TNFSF4: variants seen among roughly 807,000 people sequenced by gnomAD.
The protein encoded by TNFSF4 is tumor necrosis factor ligand superfamily member 4.
In TNFSF4, 4 loss-of-function variants were observed where a neutral mutation model predicts 7.3. The ratio of observed to expected loss-of-function variants is 0.55; its 90% confidence interval spans 0.27 to 1.25. The LOEUF is 1.25. Among genes scored for constraint, TNFSF4 ranks in the 50% most tolerant of loss-of-function variants. The pLI, the probability that TNFSF4 is intolerant of heterozygous loss-of-function variation, is 0.12. For synonymous variants in TNFSF4, 76 were observed against 83.7 expected (o/e 0.91, Z 0.50); for missense variants, 181 against 208.8 (o/e 0.87, Z 0.82).
At chr1:173,234,791 T>C in the TNFSF4 span, among the ~76,000 whole-genome samples, 2 of 152,030 alleles carry the variant, frequency 1.3e-5, no homozygotes, top group Non-Finnish European at 2.9e-5. Context: ...CCGGGGCCTG[T>C]CGTGGGGTGG....
chr1:173,317,946 C>T, the TNFSF4 span, among the ~76,000 whole-genome samples: 1 of 152,090 alleles, frequency 6.6e-6, no homozygotes, highest in Non-Finnish European at 1.5e-5. Context: ...ACAATAATTA[C>T]AAATACTGGT....
the TNFSF4 span, among the ~76,000 whole-genome samples, chr1:173,303,277 T>G: frequency 4.6e-5 from 7 of 151,842 alleles, no homozygotes; most frequent in Admixed American, 4.6e-4. Flanking sequence ...AGTCTGCTTT[T>G]AGCTTACCCA....
At chr1:173,211,726 AG>A (rs1226344378), upstream of TNFSF4, among the ~76,000 whole-genome samples, 4 of 152,238 alleles carry the variant, frequency 2.6e-5, no homozygotes, top group Non-Finnish European at 4.4e-5. Context: ...GTGTTCTAGA[AG>A]TACTAAACAA....
chr1:173,300,742 A>T, the TNFSF4 span, among the ~76,000 whole-genome samples: 3 of 151,878 alleles, frequency 2.0e-5, no homozygotes, highest in Non-Finnish European at 4.4e-5. Context: ...AACTATTATA[A>T]CTGCTATGAT....
chr1:173,330,079 C>T, the TNFSF4 span, among the ~76,000 whole-genome samples: 1 of 151,966 alleles, frequency 6.6e-6, no homozygotes, highest in East Asian at 1.9e-4. Context: ...AAAATAAAAC[C>T]ACAAATTAAA....
chr1:173,446,502 GATTGA>G, the TNFSF4 span, among the ~76,000 whole-genome samples: 7 of 152,324 alleles, frequency 4.6e-5, no homozygotes, highest in African/African-American at 1.4e-4. Context: ...GTGTCAACTT[GATTGA>G]ATTGAAGGAT....
the TNFSF4 span, among the ~76,000 whole-genome samples, chr1:173,285,901 C>T: frequency 1.9e-4 from 29 of 152,114 alleles, no homozygotes; most frequent in Non-Finnish European, 3.1e-4. Flanking sequence ...TGAGGTATGC[C>T]TATAATTTCA....
the TNFSF4 span, among the ~76,000 whole-genome samples, chr1:173,256,282 C>G: frequency 6.6e-6 from 1 of 152,140 alleles, no homozygotes; most frequent in African/African-American, 2.4e-5. Context: ...GAAATTTATT[C>G]TCACAGTTCT....
rs1176804981 is a variant in TNFSF4 at position 173,184,031 on chromosome 1, A to C, written c.*2485T>G. 6.6e-6 allele frequency: 1 copy of C among 152,202 alleles called. No homozygotes were observed. The highest frequency in any genetic ancestry group is 1.5e-5 in the Non-Finnish European group (1 of 68,042). 9.4% of individuals were successfully genotyped at this position (152,202 alleles called of 1,614,324 possible). A position where few individuals can be genotyped will look rare whatever the true frequency, so the allele number is the denominator to read the frequency against. ...GCTTGTCCAGAAAAAAATACATTCA[A>C]CATAGTAAAGGAGAAGGTTACACTC... On this transcript the variant is annotated 3_prime_UTR_variant, in exon 3 of 3. Coordinates refer to ENST00000281834, the MANE Select transcript of TNFSF4 (RefSeq NM_003326.5).
At chr1:173,350,621 G>A in the TNFSF4 span, among the ~76,000 whole-genome samples, 1 of 152,134 alleles carries the variant, frequency 6.6e-6, no homozygotes. Flanking sequence ...GTTTGCTGTG[G>A]GCCTAGGAGA....
the TNFSF4 span, among the ~76,000 whole-genome samples, chr1:173,260,569 C>G: frequency 6.6e-6 from 1 of 152,110 alleles, no homozygotes; most frequent in African/African-American, 2.4e-5. Context: ...GAATCAAGAC[C>G]TATTAGTGTG....
chr1:173,447,543 C>T, the TNFSF4 span, among the ~76,000 whole-genome samples: 2 of 151,996 alleles, frequency 1.3e-5, no homozygotes. Context: ...TGTGAACCCA[C>T]AACTGCTCTA....
chr1:173,228,142 C>T, the TNFSF4 span, among the ~76,000 whole-genome samples: 7 of 152,190 alleles, frequency 4.6e-5, no homozygotes, highest in African/African-American at 1.2e-4. Context: ...CAAGTGGGTC[C>T]CTGACCCATG....
At chr1:173,344,261 T>C in the TNFSF4 span, among the ~76,000 whole-genome samples, 1 of 152,176 alleles carries the variant, frequency 6.6e-6, no homozygotes. Context: ...CAGCAGTAAA[T>C]AGCACCTGCA....
the TNFSF4 span, among the ~76,000 whole-genome samples, chr1:173,444,465 T>C: frequency 1.3e-5 from 2 of 152,140 alleles, no homozygotes; most frequent in Non-Finnish European, 2.9e-5. Context: ...ATCACACACA[T>C]AACATTAAGT....
At chr1:173,226,154 C>T in the TNFSF4 span, among the ~76,000 whole-genome samples, 13 of 152,230 alleles carry the variant, frequency 8.5e-5, no homozygotes, top group African/African-American at 2.9e-4. Flanking sequence ...TATGATCACA[C>T]AATAATTTTT....
the TNFSF4 span, among the ~76,000 whole-genome samples, chr1:173,173,963 T>A: frequency 6.6e-6 from 1 of 152,234 alleles, no homozygotes; most frequent in African/African-American, 2.4e-5. Flanking sequence ...CAGCTTGAAT[T>A]TCTCCCCAGA....
chr1:173,447,042 C>G, the TNFSF4 span, among the ~76,000 whole-genome samples: 2 of 152,078 alleles, frequency 1.3e-5, no homozygotes, highest in Admixed American at 1.3e-4. Flanking sequence ...TACAATGGAA[C>G]ATTATTCAGT....
chr1:173,324,193 C>T, the TNFSF4 span, among the ~76,000 whole-genome samples: 9 of 152,046 alleles, frequency 5.9e-5, no homozygotes, highest in South Asian at 2.1e-4. Context: ...CCAGAAGGGG[C>T]GGGGGGGCCA....
Sources: gnomAD v4.1 joint callset for allele counts (sites outside exome capture counted in the v4.1 genomes callset) on GRCh38, gnomAD v4.1.1 for gene constraint, MANE v1.5 for transcripts, NCBI Gene and HGNC (gene_info 2026-07-23, HGNC 2026-07-21) for gene names.